The following AIG1 variants were observed in gnomAD, a reference collection of about 807,000 sequenced individuals.
AIG1 encodes the protein androgen-induced gene 1 protein.
In AIG1, 23 loss-of-function variants were observed where a neutral mutation model predicts 31.4. The ratio of observed to expected loss-of-function variants is 0.73; its 90% confidence interval spans 0.53 to 1.04. The LOEUF (loss-of-function observed/expected upper bound fraction) is 1.04. Ranked by LOEUF, AIG1 falls within the 50% of genes least tolerant of loss-of-function variation. The pLI is 0.00. For synonymous variants in AIG1, 100 were observed against 110.5 expected, an observed-to-expected ratio of 0.90 and a Z score of 0.60; for missense variants, 274 against 295.0, an observed-to-expected ratio of 0.93 and a Z score of 0.52.
chr6:143,337,839 T>C (rs1376395957), intron 5 of AIG1: 6 of 396,224 alleles, frequency 1.5e-5, no homozygotes, highest in Non-Finnish European at 2.7e-5. Context: ...CGCCCTGCAG[T>C]CTTGTCCCCT....
intron 4 of AIG1, among the ~76,000 whole-genome samples, chr6:143,323,447 C>A (rs960505949): frequency 6.7e-5 from 10 of 148,738 alleles, no homozygotes; most frequent in African/African-American, 1.7e-4. Context: ...TATGATTATA[C>A]CTTAAAATAT....
intron 3 of AIG1, among the ~76,000 whole-genome samples, chr6:143,253,205 A>C (rs1233306196): frequency 2.6e-5 from 4 of 152,200 alleles, no homozygotes; most frequent in African/African-American, 9.6e-5. Context: ...CTGGTCTGTC[A>C]CACCTGGTAA....
chr6:143,135,496 G>A (rs1279863828), intron 1 of AIG1, among the ~76,000 whole-genome samples: 1 of 152,088 alleles, frequency 6.6e-6, no homozygotes, highest in Admixed American at 6.6e-5. Context: ...AATTGTGGCA[G>A]TCTTAGCTTC....
chr6:143,224,849 C>T (rs1203372600), intron 3 of AIG1, among the ~76,000 whole-genome samples: 1 of 152,164 alleles, frequency 6.6e-6, no homozygotes, highest in Non-Finnish European at 1.5e-5. Flanking sequence ...AACCAGGTTC[C>T]TTGCCTTCCA....
chr6:143,088,368 A>G (rs1778993144), intron 1 of AIG1, among the ~76,000 whole-genome samples: 1 of 152,252 alleles, frequency 6.6e-6, no homozygotes, highest in Admixed American at 6.5e-5. Context: ...CTTCTAAACT[A>G]TTATGACATA....
intron 3 of AIG1, among the ~76,000 whole-genome samples, chr6:143,262,110 A>T (rs1158698315): frequency 2.0e-5 from 3 of 152,250 alleles, no homozygotes; most frequent in Admixed American, 1.3e-4. Flanking sequence ...CAGTGAAATA[A>T]ATAACAGAAA....
chr6:143,244,808 A>G (rs1044703620), intron 3 of AIG1, among the ~76,000 whole-genome samples: 3 of 152,070 alleles, frequency 2.0e-5, no homozygotes. Context: ...CTTTTTTTGA[A>G]AAATGTATAA....
intron 3 of AIG1, among the ~76,000 whole-genome samples, chr6:143,234,875 G>C (rs1354431842): frequency 1.3e-5 from 2 of 152,098 alleles, no homozygotes; most frequent in East Asian, 3.8e-4. Context: ...TACATAACAT[G>C]AGCAAACGCT....
At chr6:143,252,618 C>A (rs1252412669) in intron 3 of AIG1, among the ~76,000 whole-genome samples, 1 of 152,154 alleles carries the variant, frequency 6.6e-6, no homozygotes, top group East Asian at 1.9e-4. Context: ...TGTGGGCTAA[C>A]CCGAACATGT....
chr6:143,178,598 C>T (rs1788416429), intron 3 of AIG1, among the ~76,000 whole-genome samples: 1 of 152,196 alleles, frequency 6.6e-6, no homozygotes, highest in Admixed American at 6.5e-5. Context: ...TAGCCAGATG[C>T]TTTGCTTCCG....
At chr6:143,118,631 G>A (rs1403177815) in intron 1 of AIG1, among the ~76,000 whole-genome samples, 1 of 152,164 alleles carries the variant, frequency 6.6e-6, no homozygotes, top group African/African-American at 2.4e-5. Flanking sequence ...TCACTTATGT[G>A]TAGAGAACTT....
chr6:143,121,543 A>G (rs1056871781), intron 1 of AIG1, among the ~76,000 whole-genome samples: 2 of 152,014 alleles, frequency 1.3e-5, no homozygotes, highest in Non-Finnish European at 2.9e-5. Flanking sequence ...CAGAATTGCC[A>G]CAAAGATGTC....
At chr6:143,199,174 G>A (rs1447356318) in intron 3 of AIG1, among the ~76,000 whole-genome samples, 1 of 152,116 alleles carries the variant, frequency 6.6e-6, no homozygotes, top group Non-Finnish European at 1.5e-5. Context: ...TAAAATGATT[G>A]CAATGAATTG....
intron 3 of AIG1, among the ~76,000 whole-genome samples, chr6:143,236,195 C>T (rs572911677): frequency 6.6e-6 from 1 of 152,356 alleles, no homozygotes; most frequent in South Asian, 2.1e-4. Context: ...TGTGCCAGTT[C>T]TCATGAGTTG....
Position 143,284,256 on chromosome 6 carries a change from T to C in AIG1, c.515+31T>C. On this transcript the variant is annotated intron_variant, in intron 4 of 5. Transcript: ENST00000357847. This position sits in a 1 kb window ranked among gnomAD's most constrained non-coding sequence, Gnocchi z 4.4. Reference sequence around the variant, plus strand: ...GACCATGCCTGCTGGGCTTTCTTATTGTATTAGATTTTGCACTGCTAAATT... The same window carrying C: ...GACCATGCCTGCTGGGCTTTCTTATCGTATTAGATTTTGCACTGCTAAATT... The C allele has an allele frequency of 6.6e-7, 1 of 1,524,640 alleles. No homozygotes were observed. The highest frequency in any genetic ancestry group is 9.1e-7 in the Non-Finnish European group (1 of 1,104,394). The allele number at this position is 1,524,640 out of a possible 1,614,324, so 94.4% of individuals were successfully genotyped here.
chr6:143,107,749 C>T (rs1780930920), intron 1 of AIG1, among the ~76,000 whole-genome samples: 1 of 152,100 alleles, frequency 6.6e-6, no homozygotes, highest in African/African-American at 2.4e-5. Context: ...TCTGGGCCCT[C>T]GAGTTATAAG....
intron 1 of AIG1, among the ~76,000 whole-genome samples, chr6:143,106,272 G>T (rs890693139): frequency 6.6e-6 from 1 of 152,166 alleles, no homozygotes; most frequent in African/African-American, 2.4e-5. Flanking sequence ...AAGGTTGCCA[G>T]CAAACCACCA....
chr6:143,276,956 C>T lies in AIG1; in HGVS notation c.400-7154C>T, dbSNP rs186679173. Among the ~76,000 whole-genome samples, 51 of 152,238 alleles carry T rather than the reference C, an allele frequency of 3.4e-4. No homozygotes were observed. In the East Asian group the frequency reaches 8.1e-3, roughly 24 times the overall value. On this transcript the variant is annotated intron_variant, in intron 3 of 5. Coordinates refer to ENST00000357847, the MANE Select transcript of AIG1 (RefSeq NM_016108.4). ...TTCAGTGGCCCCAAGGGCAGATCCA[C>T]GTTGATTCTCTTCATGCCCTCACTA...
chr6:143,101,537 T>C (rs1780280632), intron 1 of AIG1, among the ~76,000 whole-genome samples: 1 of 152,052 alleles, frequency 6.6e-6, no homozygotes, highest in African/African-American at 2.4e-5. Context: ...GACTGGAGAC[T>C]CTTAGAGGAC....
Sources: allele counts gnomAD v4.1 joint callset (sites outside exome capture counted in the v4.1 genomes callset), GRCh38; gene constraint gnomAD v4.1.1; non-coding constraint Gnocchi (gnomAD v3.1); transcripts MANE v1.5; gene names NCBI Gene and HGNC (gene_info 2026-07-23, HGNC 2026-07-21).